The following MSI2 variants were observed in gnomAD, a reference collection of about 807,000 sequenced individuals.
MSI2 encodes musashi RNA binding protein 2, also known as RNA-binding protein Musashi homolog 2.
MSI2 carries 17 observed loss-of-function variants against 45.6 expected under a neutral mutation model. The observed-to-expected ratio is 0.37, with a 90% CI of 0.26 to 0.56. MSI2 has a LOEUF of 0.56. MSI2 is among the 20% of genes least tolerant of loss of function. MSI2 has a pLI of 0.77. For synonymous variants in MSI2, 156 were observed against 158.2 expected (o/e 0.99, Z 0.11); for missense variants, 293 against 444.2 (o/e 0.66, Z 3.06).
chr17:57,692,714 GGTTTTGTTTT>G, the MSI2 span, among the ~76,000 whole-genome samples: 15 of 150,996 alleles, frequency 9.9e-5, no homozygotes, highest in Non-Finnish European at 1.8e-4. Context: ...TGTGTTGACA[GGTTTTGTTTT>G]GTTTTGTTTT....
intron 6 of MSI2, chr17:57,450,395 G>C (rs1035137285): frequency 6.6e-6 from 1 of 150,752 alleles, no homozygotes; most frequent in East Asian, 1.9e-4. Flanking sequence ...TCATAGAAAA[G>C]GCAAAAGTTG....
At chr17:57,315,208 T>C (rs1215806848) in intron 5 of MSI2, among the ~76,000 whole-genome samples, 1 of 152,176 alleles carries the variant, frequency 6.6e-6, no homozygotes, top group Non-Finnish European at 1.5e-5. Flanking sequence ...GAGCTCATGG[T>C]CTTTGGAGCC....
At chr17:57,497,660 G>T (rs2086007772) in intron 6 of MSI2, among the ~76,000 whole-genome samples, 1 of 152,070 alleles carries the variant, frequency 6.6e-6, no homozygotes, top group Non-Finnish European at 1.5e-5. Flanking sequence ...AGATGTCTTT[G>T]GGCCCCTTAT....
intron 6 of MSI2, chr17:57,450,322 A>AGAGAGAAAGAGAGAGAGAGAGAGAG (rs1567831014): frequency 1.3e-5 from 2 of 148,312 alleles, no homozygotes; most frequent in Admixed American, 6.8e-5. Flanking sequence ...AAAGAAAGAA[A>AGAGAGAAAGAGAGAGAGAGAGAGAG]ACCTTTGTTA....
chr17:57,497,252 C>T (rs941215012), intron 6 of MSI2, among the ~76,000 whole-genome samples: 3 of 152,228 alleles, frequency 2.0e-5, no homozygotes, highest in South Asian at 4.1e-4. Context: ...GCTGGGATTA[C>T]AGGCATGAGC....
At chr17:57,519,556 A>T (rs2086542113) in intron 6 of MSI2, among the ~76,000 whole-genome samples, 1 of 152,106 alleles carries the variant, frequency 6.6e-6, no homozygotes, top group South Asian at 2.1e-4. Context: ...GAATTCACTT[A>T]TCTAAAAGGA....
intron 7 of MSI2, among the ~76,000 whole-genome samples, chr17:57,593,288 C>T (rs890057122): frequency 1.3e-5 from 2 of 152,146 alleles, no homozygotes; most frequent in Non-Finnish European, 2.9e-5. Flanking sequence ...CTGTGGCTGC[C>T]GTAACAAATT....
At chr17:57,605,341 T>A (rs1163884499) in intron 8 of MSI2, among the ~76,000 whole-genome samples, 1 of 152,226 alleles carries the variant, frequency 6.6e-6, no homozygotes, top group East Asian at 1.9e-4. Flanking sequence ...CAGAAGTAAT[T>A]TGGCCTGCAG....
At chr17:57,285,972 G>A in intron 5 of MSI2, 3 of 1,534,724 alleles carry the variant, frequency 2.0e-6, no homozygotes, top group Non-Finnish European at 1.7e-6. Context: ...TGGAGTGGGA[G>A]TGGAGACCAA....
intron 6 of MSI2, among the ~76,000 whole-genome samples, chr17:57,528,453 G>A (rs2086750995): frequency 1.3e-5 from 2 of 152,176 alleles, no homozygotes; most frequent in Admixed American, 1.3e-4. Context: ...GAGAGACAGA[G>A]GACGCCTTTG....
At chr17:57,489,012 T>A (rs534406736) in intron 6 of MSI2, among the ~76,000 whole-genome samples, 1 of 152,088 alleles carries the variant, frequency 6.6e-6, no homozygotes, top group Admixed American at 6.5e-5. Context: ...GCCTTCACTC[T>A]CAGTCCGTGC....
intron 8 of MSI2, among the ~76,000 whole-genome samples, chr17:57,607,417 C>A (rs1285609323): frequency 6.6e-6 from 1 of 152,234 alleles, no homozygotes; most frequent in Non-Finnish European, 1.5e-5. Flanking sequence ...TGCACAGTAA[C>A]CCCTTCCTCT....
intron 11 of MSI2, among the ~76,000 whole-genome samples, chr17:57,674,376 A>C (rs1033129566): frequency 1.3e-5 from 2 of 152,182 alleles, no homozygotes; most frequent in African/African-American, 2.4e-5. Context: ...AAAACCAAAA[A>C]GAAAAAGTGA....
At position 57,486,136 on chromosome 17, in the gene MSI2, G is replaced by A. The variant is rs985763920; in HGVS notation, c.406-43540G>A. 5.9e-5 allele frequency among the ~76,000 whole-genome samples: 9 copies of A among 152,244 alleles called. No individual in the cohort carries two copies. In the East Asian group the frequency reaches 1.2e-3, roughly 20 times the overall value. On this transcript the variant is annotated intron_variant, in intron 6 of 13. Transcript: ENST00000284073. ...TTGCTCTCTGACTTTGAACACCCAC[G>A]TGAGTAGAAGCAGTGTTTTGGCTGC...
chr17:57,674,273 A>AGG (rs201099133), intron 11 of MSI2, among the ~76,000 whole-genome samples: 3 of 2,820 alleles, frequency 1.1e-3, no homozygotes, highest in Non-Finnish European at 1.8e-3. Context: ...GCCAGTGGGG[A>AGG]GGGGCGGGTG....
At chr17:57,613,123 T>C (rs563992761) in intron 8 of MSI2, among the ~76,000 whole-genome samples, 1 of 152,314 alleles carries the variant, frequency 6.6e-6, no homozygotes, top group Non-Finnish European at 1.5e-5. Flanking sequence ...TGACAGTCTA[T>C]TGCATTATCT....
downstream of MSI2, among the ~76,000 whole-genome samples, chr17:57,686,113 A>G (rs1182792634): frequency 6.6e-6 from 1 of 152,044 alleles, no homozygotes. Flanking sequence ...ATGAAACCCC[A>G]TCTCCCATAC....
chr17:57,516,521 T>G (rs1035431000), intron 6 of MSI2, among the ~76,000 whole-genome samples: 1 of 152,246 alleles, frequency 6.6e-6, no homozygotes, highest in Admixed American at 6.5e-5. Context: ...TCATCCGTAC[T>G]GATTTCACAA....
intron 7 of MSI2, among the ~76,000 whole-genome samples, chr17:57,586,434 C>G (rs1395114804): frequency 1.3e-5 from 2 of 151,988 alleles, no homozygotes; most frequent in African/African-American, 4.8e-5. Context: ...CCCTGTCTGT[C>G]CTTATAAAAT....
Sources: allele counts gnomAD v4.1 joint callset (sites outside exome capture counted in the v4.1 genomes callset), GRCh38; gene constraint gnomAD v4.1.1; transcripts MANE v1.5; gene names NCBI Gene and HGNC (gene_info 2026-07-23, HGNC 2026-07-21).